Variants in MCHR2 observed in about 807,000 individuals in gnomAD.
The protein encoded by MCHR2 is melanin concentrating hormone receptor 2, also known as melanin-concentrating hormone receptor 2.
MCHR2 carries 15 observed loss-of-function variants against 24.8 expected under a neutral mutation model. The ratio of observed to expected loss-of-function variants is 0.60; its 90% CI spans 0.40 to 0.93. The LOEUF (loss-of-function observed/expected upper bound fraction) is 0.93, where lower values mean the gene tolerates loss of function less well. Among genes scored for constraint, MCHR2 ranks in the 40% least tolerant of loss-of-function variants. MCHR2 has a pLI of 0.00. For synonymous variants in MCHR2, 151 were observed against 147.6 expected, an observed-to-expected ratio of 1.02 and a Z score of -0.17; for missense variants, 386 against 408.7, an observed-to-expected ratio of 0.94 and a Z score of 0.48.
intron 3 of MCHR2, among the ~76,000 whole-genome samples, chr6:99,946,307 A>T (rs1387824292): frequency 2.0e-5 from 3 of 152,200 alleles, no homozygotes; most frequent in Non-Finnish European, 4.4e-5. Flanking sequence ...GTTGAGAAGC[A>T]CATTCTATAT....
chr6:99,951,855 C>T (rs1040557856), intron 2 of MCHR2, among the ~76,000 whole-genome samples: 3 of 152,114 alleles, frequency 2.0e-5, no homozygotes, highest in African/African-American at 7.2e-5. Flanking sequence ...ATCTCGTAAC[C>T]TCTGTTTCAC....
At chr6:99,970,736 G>A (rs9496025) in intron 1 of MCHR2, among the ~76,000 whole-genome samples, 1 of 152,116 alleles carries the variant, frequency 6.6e-6, no homozygotes, top group African/African-American at 2.4e-5. Context: ...ATTAATTTTT[G>A]TATAAAGTGT....
At position 99,942,965 on chromosome 6, in the gene MCHR2, G is replaced by T. The variant is rs563528336; in HGVS notation, c.571C>A (p.Pro191Thr). 6.2e-7 allele frequency: 1 copy of T among 1,611,460 alleles called. No homozygotes were observed. The highest frequency in any genetic ancestry group is 1.7e-5 in the Admixed American group (1 of 59,792). Residue 191 changes from proline to threonine, a missense_variant, in exon 4 of 6, where the codon CCT becomes ACT. Transcript: ENST00000281806. ...ACAACTTACCAGAGTACATCGTCAGGGGATGTCAAATCAAAAGCACAACTC... is the reference window on the plus strand; with the variant it reads ...ACAACTTACCAGAGTACATCGTCAGTGGATGTCAAATCAAAAGCACAACTC... ...VESCAFDLTSPDDVLWYTLYL... is the reference protein window; with the variant it reads ...VESCAFDLTSTDDVLWYTLYL...
intron 3 of MCHR2, among the ~76,000 whole-genome samples, chr6:99,944,913 C>G (rs1013461404): frequency 1.3e-5 from 2 of 152,112 alleles, no homozygotes; most frequent in Non-Finnish European, 2.9e-5. Context: ...TCAAGCTCTT[C>G]CCCTTTCAAG....
intron 1 of MCHR2, among the ~76,000 whole-genome samples, chr6:99,965,044 A>T (rs890921567): frequency 2.0e-5 from 3 of 152,188 alleles, no homozygotes; most frequent in Non-Finnish European, 4.4e-5. Flanking sequence ...TGAAGAGAGT[A>T]AGTTGTGACT....
rs7450231 is a variant in MCHR2, at chr6:99,924,814, C to T, written c.708-3559G>A. On this transcript the variant is annotated intron_variant, in intron 5 of 5. Transcript: ENST00000281806. ...AATTTTTAAAGACTTGTTTTGTGACCTAACATATGTTCTATCCTTGAGAAT... is the reference window on the plus strand; with the variant it reads ...AATTTTTAAAGACTTGTTTTGTGACTTAACATATGTTCTATCCTTGAGAAT... Among the ~76,000 whole-genome samples the T allele has an allele frequency of 4.1e-4, 63 of 151,960 alleles. No individual in the cohort carries two copies. In the East Asian group the frequency reaches 0.012, roughly 28 times the overall value.
Position 99,934,531 on chromosome 6 carries a change from GAGAGA to G in MCHR2, c.588-19_588-15del, listed in dbSNP as rs1774615270. ...TAAAGTGTATACCTGTAAAATGAGA[GAGAGA>G]AGAGAGAGAGAGAAAGAACAACACC... On this transcript the variant is annotated splice_polypyrimidine_tract_variant and intron_variant, in intron 4 of 5. Coordinates refer to ENST00000281806, the MANE Select transcript of MCHR2 (RefSeq NM_001040179.2). The G allele has an allele frequency of 1.3e-6, 2 of 1,548,366 alleles. No individual in the cohort carries two copies. The highest frequency in any genetic ancestry group is 1.7e-6 in the Non-Finnish European group (2 of 1,154,182).
chr6:99,983,511 C>T (rs1381740628), intron 1 of MCHR2, among the ~76,000 whole-genome samples: 1 of 152,094 alleles, frequency 6.6e-6, no homozygotes, highest in Admixed American at 6.5e-5. Flanking sequence ...CAGTTGTTCC[C>T]CAAAAAAGAA....
chr6:99,970,589 G>T (rs954240778), intron 1 of MCHR2, among the ~76,000 whole-genome samples: 19 of 152,178 alleles, frequency 1.2e-4, no homozygotes, highest in Non-Finnish European at 2.2e-4. Context: ...GTCAATTTTG[G>T]CTTTTGTTGC....
intron 1 of MCHR2, among the ~76,000 whole-genome samples, chr6:99,992,369 G>A (rs72940353): frequency 0.012 from 1,837 of 152,286 alleles, 52 homozygotes; most frequent in East Asian, 0.12. Flanking sequence ...TGCCTCTTAT[G>A]CATTTAGCCC....
intron 3 of MCHR2, among the ~76,000 whole-genome samples, chr6:99,944,734 A>G (rs1452943786): frequency 1.3e-5 from 2 of 152,156 alleles, no homozygotes; most frequent in African/African-American, 2.4e-5. Context: ...AAGTCATGGG[A>G]TCAAGCAATT....
intron 1 of MCHR2, among the ~76,000 whole-genome samples, chr6:99,970,524 T>C (rs896819531): frequency 7.9e-5 from 12 of 152,234 alleles, no homozygotes; most frequent in African/African-American, 2.9e-4. Context: ...CTGTTCACTC[T>C]GATGGTCGTT....
intron 2 of MCHR2, among the ~76,000 whole-genome samples, chr6:99,949,919 TA>T (rs34593647): frequency 2.7e-5 from 4 of 146,282 alleles, no homozygotes; most frequent in Admixed American, 6.8e-5. Context: ...AGCTCCAAAC[TA>T]AAAAAAAAAA....
chr6:99,992,860 C>T (rs1421146579), intron 1 of MCHR2, among the ~76,000 whole-genome samples: 3 of 152,148 alleles, frequency 2.0e-5, no homozygotes, highest in African/African-American at 4.8e-5. Context: ...AAATGAAACA[C>T]AAATAATGGG....
rs1774611274 is a variant in MCHR2 at position 99,934,461 on chromosome 6, A to G, written c.644T>C (p.Val215Ala). The G allele has an allele frequency of 1.9e-6, 3 of 1,606,204 alleles. No homozygotes were observed. The highest frequency in any genetic ancestry group is 1.1e-5 in the South Asian group (1 of 89,712). Reference sequence around the variant, plus strand: ...ATAGCATAAAATTAAAATATAGCACACCAAAATCAAGGGTAGAGGGAAAAA... The same window carrying G: ...ATAGCATAAAATTAAAATATAGCACGCCAAAATCAAGGGTAGAGGGAAAAA... ...TFFFPLPLILVCYILILCYTW... is the reference protein window; with the variant it reads ...TFFFPLPLILACYILILCYTW... The change falls in exon 5 of 6, where the codon GTG (valine) becomes GCG (alanine). Residue 215 changes from valine (V) to alanine (A), a missense_variant. Coordinates refer to ENST00000281806, the MANE Select transcript of MCHR2 (RefSeq NM_001040179.2).
At chr6:99,929,620 G>T (rs1669096163) in intron 5 of MCHR2, among the ~76,000 whole-genome samples, 2 of 151,878 alleles carry the variant, frequency 1.3e-5, no homozygotes, top group Admixed American at 6.6e-5. Flanking sequence ...TCTGATCTTT[G>T]TTGGTTTAAA....
chr6:99,934,275 T>A (rs2114504777), intron 5 of MCHR2, 123 bp downstream of exon 5: 1 of 998,578 alleles, frequency 1.0e-6, no homozygotes, highest in African/African-American at 1.7e-5. Flanking sequence ...TCTATAGACA[T>A]ATATCAATGT....
At position 99,970,878 on chromosome 6, in the gene MCHR2, G is replaced by T. The variant is rs945869403; in HGVS notation, c.-27-14704C>A. 4.6e-5 allele frequency among the ~76,000 whole-genome samples: 7 copies of T among 152,236 alleles called. No individual in the cohort carries two copies. The East Asian group carries it at 1.2e-3, about 25-fold the overall frequency. ...TCAAAAATCAGATGGTTGTAGATATGCGGCATTATTTCTGAGGGCTCTGTT... is the reference window on the plus strand; with the variant it reads ...TCAAAAATCAGATGGTTGTAGATATTCGGCATTATTTCTGAGGGCTCTGTT... On this transcript the variant is annotated intron_variant, in intron 1 of 5. Transcript: ENST00000281806.
intron 2 of MCHR2, among the ~76,000 whole-genome samples, chr6:99,952,786 T>A (rs1774989652): frequency 6.6e-6 from 1 of 152,130 alleles, no homozygotes; most frequent in African/African-American, 2.4e-5. Context: ...CAAGGAAAAG[T>A]GTTAAAATCT....
Sources: gnomAD v4.1 joint callset for allele counts (sites outside exome capture counted in the v4.1 genomes callset) on GRCh38, gnomAD v4.1.1 for gene constraint, MANE v1.5 for transcripts, NCBI Gene and HGNC (gene_info 2026-07-23, HGNC 2026-07-21) for gene names.